The following RIMBP2 variants were observed in gnomAD, a reference collection of about 807,000 sequenced individuals.
RIMBP2 encodes RIMS-binding protein 2.
In RIMBP2, 48 loss-of-function variants were observed where a neutral mutation model predicts 118.6. That is an observed-to-expected ratio of 0.40 (90% CI 0.32 to 0.51). The LOEUF is 0.51. Ranked by LOEUF, RIMBP2 falls within the 20% of genes least tolerant of loss-of-function variation. The pLI is 0.41. For synonymous variants in RIMBP2, 762 were observed against 742.9 expected (o/e 1.03, Z -0.42); for missense variants, 1,551 against 1,768.3 (o/e 0.88, Z 2.20).
At chr12:130,488,596 A>C (rs2082675666) in intron 4 of RIMBP2, among the ~76,000 whole-genome samples, 1 of 152,240 alleles carries the variant, frequency 6.6e-6, no homozygotes, top group Non-Finnish European at 1.5e-5. Context: ...GCCAGTGTGC[A>C]TGTCTCTGTT....
At chr12:130,595,195 T>C (rs893090073) in intron 2 of RIMBP2, among the ~76,000 whole-genome samples, 1 of 152,202 alleles carries the variant, frequency 6.6e-6, no homozygotes, top group Non-Finnish European at 1.5e-5. Flanking sequence ...CCCATGAGAT[T>C]GAACCATCTC....
rs920928144 is a variant in RIMBP2 at position 130,476,793 on chromosome 12, T to G, written c.102+2119A>C. 3.3e-5 allele frequency among the ~76,000 whole-genome samples: 5 copies of G among 152,336 alleles called. No individual in the cohort carries two copies. In the East Asian group the frequency reaches 9.6e-4, roughly 29 times the overall value. ...CACTGACTTGTTCGTCTTCCTTTTT[T>G]AGCCTGGGAGGGCAGAGCCGTGTCC... On this transcript the variant is annotated intron_variant, in intron 5 of 22. Transcript: ENST00000690449.
intron 2 of RIMBP2, among the ~76,000 whole-genome samples, chr12:130,603,054 T>C (rs539135896): frequency 6.6e-6 from 1 of 152,260 alleles, no homozygotes; most frequent in Admixed American, 6.5e-5. Context: ...GGCACCATAT[T>C]TCATATTCAA....
chr12:130,687,683 T>C (rs910794855), intron 1 of RIMBP2, among the ~76,000 whole-genome samples: 31 of 152,144 alleles, frequency 2.0e-4, no homozygotes, highest in African/African-American at 7.2e-4. Flanking sequence ...AGGAAGAAAA[T>C]GCTTAAAAAT....
chr12:130,460,059 T>C (rs2079837975), intron 6 of RIMBP2, among the ~76,000 whole-genome samples: 3 of 152,152 alleles, frequency 2.0e-5, no homozygotes, highest in Admixed American at 2.0e-4. Flanking sequence ...CAGTTAGAGA[T>C]GAACCAGGTC....
intron 10 of RIMBP2, among the ~76,000 whole-genome samples, chr12:130,444,838 G>A (rs1272039227): frequency 1.3e-5 from 2 of 152,240 alleles, no homozygotes; most frequent in African/African-American, 4.8e-5. Context: ...AAGAGCAGGA[G>A]AGACACTTTT....
intron 2 of RIMBP2, among the ~76,000 whole-genome samples, chr12:130,536,080 C>T (rs1349441599): frequency 2.0e-5 from 3 of 152,046 alleles, no homozygotes; most frequent in African/African-American, 4.8e-5. Flanking sequence ...TGAGCCATCA[C>T]GCCCAGTTGC....
intron 2 of RIMBP2, among the ~76,000 whole-genome samples, chr12:130,586,537 A>G (rs888359494): frequency 3.3e-5 from 5 of 152,056 alleles, no homozygotes; most frequent in African/African-American, 9.7e-5. Flanking sequence ...ATCTACAACC[A>G]TCTGATCTTT....
At chr12:130,556,719 G>A (rs2056391328) in intron 2 of RIMBP2, among the ~76,000 whole-genome samples, 1 of 152,164 alleles carries the variant, frequency 6.6e-6, no homozygotes, top group African/African-American at 2.4e-5. Flanking sequence ...AACTCAAGAT[G>A]GTGCCATCAC....
At chr12:130,412,539 A>G (rs913535872) in intron 19 of RIMBP2, 80 bp downstream of exon 19, 6 of 1,338,540 alleles carry the variant, frequency 4.5e-6, no homozygotes, top group Admixed American at 4.1e-5. Flanking sequence ...GGGTCTCCTC[A>G]TCACCGCCTG....
At chr12:130,437,710 G>A (rs2077641161) in intron 12 of RIMBP2, among the ~76,000 whole-genome samples, 1 of 152,230 alleles carries the variant, frequency 6.6e-6, no homozygotes. Context: ...CTCCTCTGCA[G>A]GGGCCAGGGC....
chr12:130,648,049 C>T (rs2136246439), intron 1 of RIMBP2, among the ~76,000 whole-genome samples: 2 of 128,238 alleles, frequency 1.6e-5, no homozygotes, highest in Admixed American at 7.6e-5. Context: ...ACCCGCCTCA[C>T]GTGGTACAGA....
intron 6 of RIMBP2, chr12:130,465,657 C>G (rs1383400304): frequency 6.6e-6 from 1 of 150,404 alleles, no homozygotes; most frequent in Non-Finnish European, 1.5e-5. Flanking sequence ...GACAGAGAAC[C>G]TCAGGCAGTG....
chr12:130,605,555 T>C (rs1277782457), intron 2 of RIMBP2, among the ~76,000 whole-genome samples: 1 of 152,196 alleles, frequency 6.6e-6, no homozygotes, highest in Admixed American at 6.5e-5. Context: ...TGTGGTTGTG[T>C]AGAAAATAAT....
chr12:130,573,388 T>TCA (rs1555295654), intron 2 of RIMBP2, among the ~76,000 whole-genome samples: 1 of 99,068 alleles, frequency 1.0e-5, no homozygotes, highest in Non-Finnish European at 2.4e-5. Context: ...AGATAAGTGT[T>TCA]CGCGCGTGTG....
intron 1 of RIMBP2, among the ~76,000 whole-genome samples, chr12:130,715,103 C>G (rs1257877798): frequency 1.3e-5 from 2 of 152,256 alleles, no homozygotes; most frequent in Non-Finnish European, 2.9e-5. Flanking sequence ...GAGCCGCTCT[C>G]CCTCCTCTCA....
chr12:130,495,989 C>T (rs1469513540), intron 4 of RIMBP2, among the ~76,000 whole-genome samples: 1 of 152,138 alleles, frequency 6.6e-6, no homozygotes. Context: ...CGGGAACGTC[C>T]CCCTAGGGTG....
chr12:130,534,463 A>T (rs1029681670), intron 2 of RIMBP2, among the ~76,000 whole-genome samples: 1 of 152,198 alleles, frequency 6.6e-6, no homozygotes, highest in African/African-American at 2.4e-5. Context: ...ACAAGAAAAA[A>T]AAAAATTCTG....
In RIMBP2 at chr12:130,459,122, A is replaced by G. The variant is rs577753210; in HGVS notation, c.154-2422T>C. ...TGAAATGATAAAATTATAGCAATAA[A>G]GAACAGATCAGCGGTTGTCAGGGTT... On this transcript the variant is annotated intron_variant, in intron 6 of 22. Transcript: ENST00000690449. Among the ~76,000 whole-genome samples the G allele has an allele frequency of 7.9e-5, 12 of 152,136 alleles. No homozygotes were observed. The South Asian group carries it at 2.3e-3, about 29-fold the overall frequency.
Sources: allele counts gnomAD v4.1 joint callset (sites outside exome capture counted in the v4.1 genomes callset), GRCh38; gene constraint gnomAD v4.1.1; transcripts MANE v1.5; gene names NCBI Gene and HGNC (gene_info 2026-07-23, HGNC 2026-07-21).